The following THSD7B variants were observed in gnomAD, a reference collection of about 807,000 sequenced individuals.
The protein encoded by THSD7B is thrombospondin type 1 domain containing 7B.
Under a neutral mutation model 213.6 loss-of-function variants are expected in THSD7B, and 138 were observed. The ratio of observed to expected loss-of-function variants is 0.65; its 90% CI spans 0.56 to 0.74. THSD7B has a LOEUF of 0.74. THSD7B is among the 30% of genes least tolerant of loss of function. THSD7B has a pLI of 0.00. For synonymous variants in THSD7B, 742 were observed against 687.0 expected, an observed-to-expected ratio of 1.08 and a Z score of -1.25; for missense variants, 1,931 against 1,991.5, an observed-to-expected ratio of 0.97 and a Z score of 0.58.
At chr2:137,237,550 A>C (rs2105060617) in intron 9 of THSD7B, among the ~76,000 whole-genome samples, 1 of 152,320 alleles carries the variant, frequency 6.6e-6, no homozygotes, top group South Asian at 2.1e-4. Flanking sequence ...CAAGGCACTC[A>C]AAATTAGTGT....
intron 26 of THSD7B, among the ~76,000 whole-genome samples, chr2:137,665,378 G>A (rs549972027): frequency 4.1e-4 from 63 of 152,114 alleles, no homozygotes; most frequent in African/African-American, 1.5e-3. Context: ...GTGTCTATGT[G>A]TGTCTAGATA....
rs530484448 is a variant in THSD7B at position 137,119,750 on chromosome 2, G to C, written c.1369+4457G>C. On this transcript the variant is annotated intron_variant, in intron 5 of 27. Transcript: ENST00000409968. Reference sequence around the variant, plus strand: ...TTAAACAGAAAGGAAATCTTCTATTGACTGTACTTAAGCTTGTAAAAACAT... The same window carrying C: ...TTAAACAGAAAGGAAATCTTCTATTCACTGTACTTAAGCTTGTAAAAACAT... 4.6e-5 allele frequency among the ~76,000 whole-genome samples: 7 copies of C among 152,124 alleles called. No individual in the cohort carries two copies. In the South Asian group the frequency reaches 1.2e-3, roughly 27 times the overall value.
At chr2:137,489,941 G>A (rs140768795) in intron 15 of THSD7B, among the ~76,000 whole-genome samples, 12 of 152,176 alleles carry the variant, frequency 7.9e-5, no homozygotes, top group African/African-American at 1.9e-4. Context: ...GTGGTGTCAC[G>A]TAGAGAAAAC....
chr2:136,807,509 G>GTGTTTTTTTTTT (rs1682303095), intron 1 of THSD7B, among the ~76,000 whole-genome samples: 1 of 104,896 alleles, frequency 9.5e-6, no homozygotes, highest in Non-Finnish European at 1.8e-5. Context: ...AAAATGTTTC[G>GTGTTTTTTTTTT]TTTTTTTTTT....
Position 137,294,583 on chromosome 2 carries a change from C to CAAAAAAA in THSD7B, c.2500+18572_2500+18578dup, listed in dbSNP as rs1210363889. 2.6e-3 allele frequency among the ~76,000 whole-genome samples: 193 copies of CAAAAAAA among 73,198 alleles called. 3 individuals are homozygous for CAAAAAAA. Among genetic ancestry groups the CAAAAAAA allele is most frequent in the Middle Eastern group, 9.3e-3 (1 of 108 alleles). The allele number at this position is 73,198 out of a possible 152,430, so 48.0% of individuals were successfully genotyped here. ...GGGTGAAAAGAGTGAAACTCCATCTCAAAAAAAAAAAAAAAAAAAAAGAAA... is the reference window on the plus strand; with the variant it reads ...GGGTGAAAAGAGTGAAACTCCATCTCAAAAAAAAAAAAAAAAAAAAAAAAAAAAGAAA... On this transcript the variant is annotated intron_variant, in intron 12 of 27. Transcript: ENST00000409968.
At chr2:137,097,617 G>T (rs891554466) in intron 4 of THSD7B, among the ~76,000 whole-genome samples, 2 of 152,064 alleles carry the variant, frequency 1.3e-5, no homozygotes, top group African/African-American at 4.8e-5. Context: ...ACAAGATAAT[G>T]TGGAAAGAAA....
chr2:137,440,290 C>T (rs983171918), intron 14 of THSD7B, among the ~76,000 whole-genome samples: 1 of 152,088 alleles, frequency 6.6e-6, no homozygotes, highest in Non-Finnish European at 1.5e-5. Context: ...CACATGTCTG[C>T]TCCAACACTG....
At chr2:137,272,783 C>A in intron 11 of THSD7B, 121 bp downstream of exon 11, 1 of 1,035,120 alleles carries the variant, frequency 9.7e-7, no homozygotes, top group Non-Finnish European at 1.4e-6. Flanking sequence ...ATTTACATAT[C>A]TTCAAATACT....
intron 15 of THSD7B, among the ~76,000 whole-genome samples, chr2:137,479,861 G>A (rs1223042077): frequency 6.6e-6 from 1 of 152,124 alleles, no homozygotes; most frequent in Non-Finnish European, 1.5e-5. Flanking sequence ...AGTTTTGTGG[G>A]ACTCAGCATG....
intron 1 of THSD7B, among the ~76,000 whole-genome samples, chr2:136,862,328 C>T (rs560948300): frequency 3.5e-4 from 54 of 152,270 alleles, no homozygotes; most frequent in African/African-American, 1.3e-3. Context: ...AGCATCAGCT[C>T]TATGTCCAGG....
At chr2:137,608,051 G>A (rs141952864) in intron 17 of THSD7B, among the ~76,000 whole-genome samples, 263 of 152,138 alleles carry the variant, frequency 1.7e-3, no homozygotes, top group Non-Finnish European at 2.8e-3. Flanking sequence ...TGTCAGTCCC[G>A]TTAATACTAA....
intron 17 of THSD7B, among the ~76,000 whole-genome samples, chr2:137,575,242 C>T (rs1573718857): frequency 6.6e-6 from 1 of 152,018 alleles, no homozygotes; most frequent in South Asian, 2.1e-4. Context: ...AAGTTATTAC[C>T]TAACACAGAA....
intron 16 of THSD7B, among the ~76,000 whole-genome samples, chr2:137,567,750 G>T (rs1050710781): frequency 5.9e-5 from 9 of 152,146 alleles, no homozygotes; most frequent in African/African-American, 1.9e-4. Context: ...AGGAACATTA[G>T]AAGCAGGTTT....
chr2:137,471,189 G>A (rs1285325560), intron 15 of THSD7B, among the ~76,000 whole-genome samples: 2 of 151,956 alleles, frequency 1.3e-5, no homozygotes, highest in Non-Finnish European at 2.9e-5. Context: ...CCAAAGTGCT[G>A]CAATTATAGG....
intron 15 of THSD7B, among the ~76,000 whole-genome samples, chr2:137,541,397 C>A (rs140766701): frequency 6.6e-6 from 1 of 151,498 alleles, no homozygotes; most frequent in Non-Finnish European, 1.5e-5. Flanking sequence ...AACTATTTTT[C>A]AAATATTTTA....
chr2:137,099,586 A>C (rs949869143), intron 4 of THSD7B, among the ~76,000 whole-genome samples: 2 of 152,206 alleles, frequency 1.3e-5, no homozygotes, highest in African/African-American at 4.8e-5. Context: ...CTTTCTTAGA[A>C]GAGATACCTC....
intron 1 of THSD7B, among the ~76,000 whole-genome samples, chr2:136,861,057 C>T (rs1683252857): frequency 6.6e-6 from 1 of 152,214 alleles, no homozygotes; most frequent in Admixed American, 6.5e-5. Flanking sequence ...AAGGACAGTA[C>T]TTGGTATGTA....
At chr2:137,514,688 C>G (rs941963156) in intron 15 of THSD7B, among the ~76,000 whole-genome samples, 4 of 151,976 alleles carry the variant, frequency 2.6e-5, no homozygotes, top group Non-Finnish European at 5.9e-5. Context: ...TATGATGAAC[C>G]CAAAAATGTT....
chr2:137,445,841 A>G (rs941225048), intron 14 of THSD7B, among the ~76,000 whole-genome samples: 2 of 151,974 alleles, frequency 1.3e-5, no homozygotes, highest in African/African-American at 4.8e-5. Flanking sequence ...TACACATTGC[A>G]TGCTTGTATC....
Sources: allele counts gnomAD v4.1 joint callset (sites outside exome capture counted in the v4.1 genomes callset), GRCh38; gene constraint gnomAD v4.1.1; transcripts MANE v1.5; gene names NCBI Gene and HGNC (gene_info 2026-07-23, HGNC 2026-07-21).